INSL6: variants seen among roughly 807,000 people sequenced by gnomAD.
INSL6 encodes the protein insulin like 6, also known as insulin-like peptide INSL6.
Under a neutral mutation model 9.4 loss-of-function variants are expected in INSL6, and 16 were observed. The ratio of observed to expected loss-of-function variants is 1.70; its 90% CI spans 1.15 to 2.59. The LOEUF (loss-of-function observed/expected upper bound fraction) is 2.59, where lower values mean the gene tolerates loss of function less well. INSL6 is among the 30% of genes most tolerant of loss of function. The pLI is 0.00. For synonymous variants in INSL6, 154 were observed against 96.9 expected, an observed-to-expected ratio of 1.59 and a Z score of -3.46; for missense variants, 391 against 257.3, an observed-to-expected ratio of 1.52 and a Z score of -3.56.
the INSL6 span, chr9:5,089,933 C>T: frequency 1.8e-6 from 2 of 1,089,548 alleles, no homozygotes; most frequent in African/African-American, 1.6e-5. Flanking sequence ...TATAAATGTA[C>T]AATGTCTTAA....
chr9:5,081,644 T>G, the INSL6 span: 1 of 919,088 alleles, frequency 1.1e-6, no homozygotes, highest in African/African-American at 1.7e-5. Flanking sequence ...ACGATTATTT[T>G]GGTCAACTTG....
intron 3 of INSL6, among the ~76,000 whole-genome samples, chr9:5,130,279 T>C (rs924887261): frequency 2.6e-5 from 4 of 152,242 alleles, no homozygotes; most frequent in Non-Finnish European, 4.4e-5. Context: ...AGTAGGAAGA[T>C]ATATGGCAGT....
At chr9:5,047,732 G>C in the INSL6 span, among the ~76,000 whole-genome samples, 2 of 152,130 alleles carry the variant, frequency 1.3e-5, no homozygotes, top group Non-Finnish European at 2.9e-5. Flanking sequence ...TGAGTAGCTA[G>C]GTACAGGTGT....
At chr9:5,055,182 C>T in the INSL6 span, among the ~76,000 whole-genome samples, 1 of 151,990 alleles carries the variant, frequency 6.6e-6, no homozygotes, top group East Asian at 1.9e-4. Flanking sequence ...CTAGTGATAA[C>T]AGAAGGCATA....
the INSL6 span, among the ~76,000 whole-genome samples, chr9:5,091,865 T>C: frequency 3.3e-5 from 5 of 152,094 alleles, no homozygotes; most frequent in Non-Finnish European, 7.4e-5. Context: ...GAAATTAAGC[T>C]CTATTGCTAG....
the INSL6 span, chr9:5,065,007 A>C: frequency 6.2e-7 from 1 of 1,604,976 alleles, no homozygotes; most frequent in Non-Finnish European, 8.5e-7. Context: ...GCCGTGCTTG[A>C]AAATATACAA....
At chr9:5,107,517 A>C in the INSL6 span, among the ~76,000 whole-genome samples, 4 of 152,164 alleles carry the variant, frequency 2.6e-5, no homozygotes, top group Non-Finnish European at 4.4e-5. Flanking sequence ...TTATCATTTT[A>C]ATCCTAGGCT....
At chr9:5,049,282 A>T in the INSL6 span, among the ~76,000 whole-genome samples, 1 of 152,224 alleles carries the variant, frequency 6.6e-6, no homozygotes, top group Non-Finnish European at 1.5e-5. Context: ...AGTTTCTAGG[A>T]TCAGGTCATT....
the INSL6 span, among the ~76,000 whole-genome samples, chr9:5,080,016 A>G: frequency 6.6e-6 from 1 of 152,146 alleles, no homozygotes; most frequent in Non-Finnish European, 1.5e-5. Flanking sequence ...CCATGTTGTC[A>G]TTGTTAAAGA....
At chr9:5,124,189 G>A (rs878899316) in exon 4 of INSL6, among the ~76,000 whole-genome samples, 1 of 151,726 alleles carries the variant, frequency 6.6e-6, no homozygotes, top group African/African-American at 2.4e-5. Context: ...TATTGATTTT[G>A]CTATGCTGAA....
intron 1 of INSL6, among the ~76,000 whole-genome samples, chr9:5,178,153 G>C (rs1045245389): frequency 1.3e-5 from 2 of 152,188 alleles, no homozygotes; most frequent in African/African-American, 4.8e-5. Flanking sequence ...AGGATTCCAG[G>C]CATGAGCCAC....
At chr9:5,118,668 G>A in the INSL6 span, among the ~76,000 whole-genome samples, 3 of 152,186 alleles carry the variant, frequency 2.0e-5, no homozygotes, top group African/African-American at 7.2e-5. Flanking sequence ...TGTAAACGCT[G>A]AGAAAACTTG....
the INSL6 span, among the ~76,000 whole-genome samples, chr9:5,095,957 C>T: frequency 6.6e-6 from 1 of 152,172 alleles, no homozygotes; most frequent in East Asian, 1.9e-4. Flanking sequence ...CCTATAGTTT[C>T]ACTAATTCTA....
intron 2 of INSL6, among the ~76,000 whole-genome samples, chr9:5,154,655 C>A (rs927912226): frequency 6.6e-6 from 1 of 152,028 alleles, no homozygotes; most frequent in African/African-American, 2.4e-5. Context: ...CCATCAACAA[C>A]TGGACGAAGG....
At chr9:5,168,894 A>G (rs1324113533) in intron 1 of INSL6, among the ~76,000 whole-genome samples, 1 of 151,944 alleles carries the variant, frequency 6.6e-6, no homozygotes, top group East Asian at 1.9e-4. Flanking sequence ...AAACCCTACA[A>G]GCCAGAAGAG....
the INSL6 span, among the ~76,000 whole-genome samples, chr9:5,045,200 G>C: frequency 6.6e-6 from 1 of 152,132 alleles, no homozygotes; most frequent in South Asian, 2.1e-4. Flanking sequence ...ATATATTAGT[G>C]CTCTTGGGTA....
At chr9:5,052,458 T>C in the INSL6 span, among the ~76,000 whole-genome samples, 1 of 152,096 alleles carries the variant, frequency 6.6e-6, no homozygotes, top group Non-Finnish European at 1.5e-5. Flanking sequence ...AACATTCATA[T>C]AAGATTCCAT....
At chr9:5,112,575 G>A in the INSL6 span, 1 of 674,522 alleles carries the variant, frequency 1.5e-6, no homozygotes, top group Non-Finnish European at 2.5e-6. Flanking sequence ...AGCGGCTGCG[G>A]GTCCCTTAAG....
At chr9:5,126,471 G>T (rs1046772124) in intron 3 of INSL6, 3 of 1,456,958 alleles carry the variant, frequency 2.1e-6, no homozygotes, top group Non-Finnish European at 2.9e-6. Context: ...TTAATCCAGG[G>T]TAGTCATGCA....
Sources: gnomAD v4.1 joint callset for allele counts (sites outside exome capture counted in the v4.1 genomes callset) on GRCh38, gnomAD v4.1.1 for gene constraint, MANE v1.5 for transcripts, NCBI Gene and HGNC (gene_info 2026-07-23, HGNC 2026-07-21) for gene names.